Variants in SCYL2 observed in about 807,000 individuals in gnomAD.
The protein encoded by SCYL2 is SCY1-like protein 2.
Under a neutral mutation model 100.4 loss-of-function variants are expected in SCYL2, and 36 were observed. The ratio of observed to expected loss-of-function variants is 0.36; its 90% CI spans 0.27 to 0.47. The LOEUF is 0.47. SCYL2 is among the 20% of genes least tolerant of loss of function. The probability of loss-of-function intolerance (pLI) is 1.00; values close to 1 mark genes in which losing one functional copy is unlikely to be tolerated. For missense variants in SCYL2, 902 were observed against 1,083.9 expected (o/e 0.83, Z 2.36); for synonymous variants, 330 against 359.2 (o/e 0.92, Z 0.92).
chr12:100,279,139 G>A (rs116150211), intron 1 of SCYL2, among the ~76,000 whole-genome samples: 1 of 152,306 alleles, frequency 6.6e-6, no homozygotes, highest in East Asian at 1.9e-4. Context: ...GACCGGATTC[G>A]TGGAAGACAG....
chr12:100,271,820 G>A (rs555632043), intron 1 of SCYL2, among the ~76,000 whole-genome samples: 1 of 152,288 alleles, frequency 6.6e-6, no homozygotes, highest in Admixed American at 6.5e-5. Flanking sequence ...ATATATTCTT[G>A]GGGAAGTATA....
In SCYL2 at chr12:100,338,680, G is replaced by C; in HGVS notation, c.2298G>C (p.Lys766Asn). 1 of 1,614,018 alleles carries C rather than the reference G, an allele frequency of 6.2e-7. No homozygotes were observed. The highest frequency in any genetic ancestry group is 8.5e-7 in the Non-Finnish European group (1 of 1,179,978). ...MMFSTPTDNT[K>N]RNLTNGLNAN... ...TTTCTACACCAACTGATAATACAAA[G>C]AGAAATTTGACAAATGGCCTAAATG... Residue 766 changes from lysine (K) to asparagine (N), a missense_variant, in exon 18 of 18, where the codon AAG becomes AAC. Physicochemically the swap from Lys to Asn is moderately conservative, Grantham distance 94. Transcript: ENST00000360820.
chr12:100,330,621 G>C (rs1952197265), intron 13 of SCYL2, among the ~76,000 whole-genome samples: 1 of 152,170 alleles, frequency 6.6e-6, no homozygotes, highest in Admixed American at 6.5e-5. Flanking sequence ...ATCAGAGATG[G>C]ATAGGCAGGG....
rs951525726 is a variant in SCYL2, at chr12:100,329,405, T to TA, written c.1761+96dup. The TA allele has an allele frequency of 4.9e-3, 2,779 of 570,842 alleles. 5 individuals are homozygous for TA. The highest frequency in any genetic ancestry group is 0.016 in the African/African-American group (832 of 51,862). The allele number at this position is 570,842 out of a possible 1,614,324, so 35.4% of individuals were successfully genotyped here. ...ATATAAATATATTACAAAGATTGGTTAAAAAAAAAAGGGTGAGGGGAGAAT... is the reference window on the plus strand; with the variant it reads ...ATATAAATATATTACAAAGATTGGTTAAAAAAAAAAAGGGTGAGGGGAGAAT... On this transcript the variant is annotated intron_variant, in intron 13 of 17. Transcript: ENST00000360820.
intron 12 of SCYL2, 103 bp from the exon 13 acceptor site, chr12:100,329,098 A>G: frequency 1.6e-6 from 1 of 623,882 alleles, no homozygotes; most frequent in Non-Finnish European, 2.9e-6. Context: ...AAAAACTTGT[A>G]CTACACAGAT....
At chr12:100,328,418 C>CT (rs1952165154) in intron 12 of SCYL2, among the ~76,000 whole-genome samples, 1 of 152,176 alleles carries the variant, frequency 6.6e-6, no homozygotes, top group Non-Finnish European at 1.5e-5. Context: ...TTTTAGGATT[C>CT]TTGTGAGACT....
At chr12:100,302,896 C>A (rs1158165142) in intron 4 of SCYL2, among the ~76,000 whole-genome samples, 1 of 152,230 alleles carries the variant, frequency 6.6e-6, no homozygotes, top group African/African-American at 2.4e-5. Flanking sequence ...ACCAGTCAAA[C>A]GGAGGTTTGG....
intron 4 of SCYL2, among the ~76,000 whole-genome samples, chr12:100,300,451 T>C (rs968963903): frequency 9.2e-5 from 14 of 152,198 alleles, no homozygotes; most frequent in African/African-American, 3.4e-4. Flanking sequence ...TCATGGAAAA[T>C]GGGGCATCCA....
intron 4 of SCYL2, among the ~76,000 whole-genome samples, chr12:100,308,138 G>A (rs2096336978): frequency 6.6e-6 from 1 of 152,054 alleles, no homozygotes; most frequent in African/African-American, 2.4e-5. Context: ...TCATTACTGG[G>A]TATATATCCA....
In SCYL2 at chr12:100,338,941, G is replaced by A; in HGVS notation, c.2559G>A (p.Met853Ile). Reference sequence around the variant, plus strand: ...GCCCTCAGAAACCCAAAGTTAGCATGAACCAGTTATCACAACAGAAACCAA... The same window carrying A: ...GCCCTCAGAAACCCAAAGTTAGCATAAACCAGTTATCACAACAGAAACCAA... ...LFGPQKPKVS[M>I]NQLSQQKPNQ... The change falls in exon 18 of 18, where the codon ATG (methionine) becomes ATA (isoleucine). Residue 853 changes from methionine (M) to isoleucine (I), a missense_variant. Met to Ile is a conservative substitution (Grantham distance 10). Transcript: ENST00000360820. The A allele has an allele frequency of 6.2e-7, 1 of 1,614,130 alleles. No individual in the cohort carries two copies. The highest frequency in any genetic ancestry group is 8.5e-7 in the Non-Finnish European group (1 of 1,179,994).
intron 10 of SCYL2, among the ~76,000 whole-genome samples, chr12:100,320,382 T>TA (rs2096354303): frequency 6.6e-6 from 1 of 151,448 alleles, no homozygotes; most frequent in African/African-American, 2.4e-5. Flanking sequence ...CCGTCTCTAC[T>TA]AAAAAAATAC....
Position 100,338,859 on chromosome 12 carries a change from G to T in SCYL2, c.2477G>T (p.Gly826Val). 1.2e-5 allele frequency: 19 copies of T among 1,614,120 alleles called. No homozygotes were observed. The highest frequency in any genetic ancestry group is 1.5e-5 in the Non-Finnish European group (18 of 1,179,988). The change falls in exon 18 of 18, where the codon GGT becomes GTT. Residue 826 changes from glycine to valine, a missense_variant. Physicochemically the swap from Gly to Val is moderately radical, Grantham distance 109 (BLOSUM62 -3). Transcript: ENST00000360820. ...NFNALSVPPA[G>V]AKQTQQRPTD... is the part of the protein sequence containing the mutation. ...AATGCTTTGAGTGTTCCTCCTGCTG[G>T]TGCAAAGCAGACCCAACAAAGACCC...
intron 2 of SCYL2, among the ~76,000 whole-genome samples, chr12:100,287,363 C>T (rs1049556692): frequency 3.3e-5 from 5 of 152,006 alleles, no homozygotes; most frequent in East Asian, 3.9e-4. Flanking sequence ...CAGGCACAAC[C>T]GTAGCCTACA....
intron 10 of SCYL2, among the ~76,000 whole-genome samples, chr12:100,322,788 A>AG (rs1004125466): frequency 1.1e-4 from 16 of 149,462 alleles, no homozygotes; most frequent in African/African-American, 3.5e-4. Context: ...TGAACCCGGG[A>AG]GGCGGAGGAT....
At position 100,294,106 on chromosome 12, in the gene SCYL2, C is replaced by T. The variant is rs1179237250; in HGVS notation, c.335+2446C>T. Among the ~76,000 whole-genome samples the T allele has an allele frequency of 2.0e-3, 281 of 143,952 alleles. 1 individual carries two copies. The highest frequency in any genetic ancestry group is 6.6e-3 in the African/African-American group (255 of 38,532). 94.4% of individuals were successfully genotyped at this position (143,952 alleles called of 152,430 possible). On this transcript the variant is annotated intron_variant, in intron 3 of 17. Coordinates refer to ENST00000360820, the MANE Select transcript of SCYL2 (RefSeq NM_017988.6). ...CTCCTCACTTCCCAGTAGGGGCGGC[C>T]GGGCAGAGGCGCCCCTCACCTCCCG...
intron 3 of SCYL2, 107 bp downstream of exon 3, chr12:100,291,767 T>C (rs2096310985): frequency 9.2e-7 from 1 of 1,088,914 alleles, no homozygotes; most frequent in South Asian, 1.6e-5. Context: ...ATTCTTATAC[T>C]CTAAGTGTTG....
chr12:100,293,685 G>A (rs2135856026), intron 3 of SCYL2, among the ~76,000 whole-genome samples: 1 of 152,122 alleles, frequency 6.6e-6, no homozygotes. Context: ...GCCTTCCGCA[G>A]TGTTTGTGTC....
In SCYL2 at chr12:100,335,858, C is replaced by T; in HGVS notation, c.1977C>T (p.Gly659=). The change falls in exon 16 of 18, where the codon GGC becomes GGT. Residue 659 remains glycine, a synonymous_variant. Coordinates refer to ENST00000360820, the MANE Select transcript of SCYL2 (RefSeq NM_017988.6). ...FNNIGADLLT[G]SESENKEDGL... ...ACATTGGAGCAGACCTTCTGACTGG[C>T]AGTGAGTCCGAAAATAAAGAGGACG... 1 of 1,613,406 alleles carries T rather than the reference C, an allele frequency of 6.2e-7. No homozygotes were observed. Among genetic ancestry groups the T allele is most frequent in the African/African-American group, 1.3e-5 (1 of 75,030 alleles).
intron 1 of SCYL2, among the ~76,000 whole-genome samples, chr12:100,269,192 C>G (rs2096284395): frequency 6.6e-6 from 1 of 152,188 alleles, no homozygotes; most frequent in South Asian, 2.1e-4. Flanking sequence ...ATAGTCGGTC[C>G]CCTTTCCAAA....
Sources: gnomAD v4.1 joint callset for allele counts (sites outside exome capture counted in the v4.1 genomes callset) on GRCh38, gnomAD v4.1.1 for gene constraint, MANE v1.5 for transcripts, NCBI Gene and HGNC (gene_info 2026-07-23, HGNC 2026-07-21) for gene names.